The following SLC6A12 variants were observed in gnomAD, a reference collection of about 807,000 sequenced individuals.
SLC6A12 encodes solute carrier family 6 member 12, also known as sodium- and chloride-dependent betaine transporter.
In SLC6A12, 50 loss-of-function variants were observed where a neutral mutation model predicts 73.3. The ratio of observed to expected loss-of-function variants is 0.68; its 90% CI spans 0.54 to 0.86. The LOEUF (loss-of-function observed/expected upper bound fraction) is 0.86. Ranked by LOEUF, SLC6A12 falls within the 40% of genes least tolerant of loss-of-function variation. The pLI, the probability that SLC6A12 is intolerant of heterozygous loss-of-function variation, is 0.00. For synonymous variants in SLC6A12, 304 were observed against 309.2 expected, an observed-to-expected ratio of 0.98 and a Z score of 0.18; for missense variants, 648 against 772.8, an observed-to-expected ratio of 0.84 and a Z score of 1.92.
At chr12:197,173 C>CTAT in intron 10 of SLC6A12, among the ~76,000 whole-genome samples, 1 of 70,152 alleles carries the variant, frequency 1.4e-5, no homozygotes, top group Admixed American at 1.7e-4. Flanking sequence ...ATCCATCCAT[C>CTAT]CATCCATCCA....
At chr12:207,508 GA>G (rs1272986935) in intron 3 of SLC6A12, among the ~76,000 whole-genome samples, 1 of 152,022 alleles carries the variant, frequency 6.6e-6, no homozygotes, top group Non-Finnish European at 1.5e-5. Context: ...TGTTTCTTTT[GA>G]AAGATTTTTC....
intron 11 of SLC6A12, 111 bp downstream of exon 11, chr12:196,659 G>A: frequency 1.3e-6 from 1 of 784,690 alleles, no homozygotes; most frequent in Non-Finnish European, 2.2e-6. Flanking sequence ...AGCAGAGGGG[G>A]CCTCAGGTGT....
Position 197,366 on chromosome 12 carries a change from G to A in SLC6A12, c.1075+11C>T. On this transcript the variant is annotated intron_variant, in intron 10 of 15. Coordinates refer to ENST00000684302, the MANE Select transcript of SLC6A12 (RefSeq NM_001122848.3). ...TTCCCCTCAGGCCCCAGACAGCAAA[G>A]TGGCACCTACCTGACTCGGCCACTT... 1.9e-6 allele frequency: 3 copies of A among 1,611,072 alleles called. No homozygotes were observed. Among genetic ancestry groups the A allele is most frequent in the Non-Finnish European group, 2.5e-6 (3 of 1,178,462 alleles).
Position 190,289 on chromosome 12 carries a change from T to C in SLC6A12, c.*779A>G, listed in dbSNP as rs1027722656. On this transcript the variant is annotated 3_prime_UTR_variant, in exon 16 of 16. Transcript: ENST00000684302. ...TTTGCGTTAGAAGCAGGATGGCAAATGGTGCTGCCTGGAGCACATTCGGAA... is the reference window on the plus strand; with the variant it reads ...TTTGCGTTAGAAGCAGGATGGCAAACGGTGCTGCCTGGAGCACATTCGGAA... 3 of 152,168 alleles carry C rather than the reference T, an allele frequency of 2.0e-5. No homozygotes were observed. Among genetic ancestry groups the C allele is most frequent in the Non-Finnish European group, 2.9e-5 (2 of 68,048 alleles). The allele number at this position is 152,168 out of a possible 1,614,324, so 9.4% of individuals were successfully genotyped here. A position where few individuals can be genotyped will look rare whatever the true frequency, so the allele number is the denominator to read the frequency against.
intron 4 of SLC6A12, chr12:203,559 G>C (rs1021131530): frequency 1.3e-5 from 2 of 152,106 alleles, no homozygotes; most frequent in African/African-American, 4.8e-5. Flanking sequence ...CAGAGGGTCC[G>C]CGGGGAGCGG....
downstream of SLC6A12, among the ~76,000 whole-genome samples, chr12:185,477 T>C (rs570173549): frequency 8.5e-5 from 13 of 152,308 alleles, no homozygotes; most frequent in African/African-American, 2.9e-4. Context: ...GCCTTTTGGA[T>C]GTGACAGCCA....
At chr12:207,403 A>C (rs2137198814) in intron 3 of SLC6A12, among the ~76,000 whole-genome samples, 1 of 152,300 alleles carries the variant, frequency 6.6e-6, no homozygotes, top group South Asian at 2.1e-4. Context: ...AACTTCCTAA[A>C]GTTCTCTTTT....
chr12:195,161 G>T, intron 13 of SLC6A12, 64 bp downstream of exon 13: 1 of 1,045,194 alleles, frequency 9.6e-7, no homozygotes, highest in Non-Finnish European at 1.5e-6. Flanking sequence ...GGCAAAGCCT[G>T]CCCCTGGCTG....
chr12:201,104 G>C (rs528230445), intron 6 of SLC6A12: 1 of 276,068 alleles, frequency 3.6e-6, no homozygotes, highest in South Asian at 6.0e-5. Flanking sequence ...CAAGTGCATG[G>C]GTATCCCGTG....
chr12:196,188 C>T lies in SLC6A12; in HGVS notation c.1262G>A (p.Arg421His), dbSNP rs763247141. The T allele has an allele frequency of 1.6e-5, 25 of 1,584,388 alleles. No individual in the cohort carries two copies. Among genetic ancestry groups the T allele is most frequent in the Admixed American group, 9.3e-5 (5 of 53,804 alleles). ...FPRQLRKSGR[R>H]ELLILTIAVM... is the part of the protein sequence containing the mutation. ...GGCGATGGTGAGGATGAGGAGCTCG[C>T]GCCGCCCGCTCTTCCGGAGCTGCCT... Residue 421 changes from arginine (R) to histidine (H), a missense_variant, in exon 12 of 16, where the codon CGC (arginine) becomes CAC (histidine). By Grantham distance (29) the Arg-to-His change is conservative. Coordinates refer to ENST00000684302, the MANE Select transcript of SLC6A12 (RefSeq NM_001122848.3).
rs1342819856 is a variant in SLC6A12, at chr12:213,103, G to A, written c.-143+819C>T. 6.6e-6 allele frequency among the ~76,000 whole-genome samples: 1 copy of A among 152,166 alleles called. No individual in the cohort carries two copies. The highest frequency in any genetic ancestry group is 1.5e-5 in the Non-Finnish European group (1 of 68,022). On this transcript the variant is annotated intron_variant, in intron 1 of 15. Transcript: ENST00000684302. This position sits in a 1 kb window ranked among gnomAD's most constrained non-coding sequence, Gnocchi z 5.3. ...TGCAGACGAGACCAGAAATGCTGCT[G>A]CCCATGTGCTGCTGGGATCCCAGCT...
At chr12:186,309 G>A (rs1939427514), downstream of SLC6A12, among the ~76,000 whole-genome samples, 2 of 152,212 alleles carry the variant, frequency 1.3e-5, no homozygotes, top group South Asian at 2.1e-4. Context: ...GAGAGGAGCC[G>A]AGGCCTTCCA....
downstream of SLC6A12, among the ~76,000 whole-genome samples, chr12:185,136 C>CA (rs1206610422): frequency 6.6e-6 from 1 of 152,098 alleles, no homozygotes; most frequent in East Asian, 1.9e-4. Context: ...CCTAAAGAAC[C>CA]AAGAGGAAAA....
Position 198,120 on chromosome 12 carries a change from G to A in SLC6A12, c.847-117C>T, listed in dbSNP as rs1038394565. 2.2e-5 allele frequency: 16 copies of A among 738,228 alleles called. No individual in the cohort carries two copies. Among genetic ancestry groups the A allele is most frequent in the Middle Eastern group, 2.4e-4 (1 of 4,138 alleles). The allele number at this position is 738,228 out of a possible 1,614,324, so 45.7% of individuals were successfully genotyped here. A position where few individuals can be genotyped will look rare whatever the true frequency, so the allele number is the denominator to read the frequency against. ...CCTGGCCCCTCAGTGCTCCCTGAGC[G>A]CTTCCCTCCTGCATCCCAACTCTCC... On this transcript the variant is annotated intron_variant, in intron 8 of 15. Transcript: ENST00000684302. The surrounding 1 kb of genome is among the most constrained non-coding windows in gnomAD (Gnocchi z 4.0).
rs1303149521 is a variant in SLC6A12, at chr12:190,614, T to C, written c.*454A>G. On this transcript the variant is annotated 3_prime_UTR_variant, in exon 16 of 16. Coordinates refer to ENST00000684302, the MANE Select transcript of SLC6A12 (RefSeq NM_001122848.3). ...TAACGGAACCTCCGATCCAACACAGTGTGTTCAGTTGTCACTTCCAACAGG... is the reference window on the plus strand; with the variant it reads ...TAACGGAACCTCCGATCCAACACAGCGTGTTCAGTTGTCACTTCCAACAGG... 6.5e-6 allele frequency: 1 copy of C among 152,694 alleles called. No individual in the cohort carries two copies. The highest frequency in any genetic ancestry group is 2.4e-5 in the African/African-American group (1 of 41,424). The allele number at this position is 152,694 out of a possible 1,614,324, so 9.5% of individuals were successfully genotyped here.
Position 197,958 on chromosome 12 carries a change from A to C in SLC6A12, c.892T>G (p.Cys298Gly). Residue 298 changes from cysteine to glycine, a missense_variant, in exon 9 of 16, where the codon TGC (cysteine) becomes GGC (glycine). Transcript: ENST00000684302. ...GTQIFFSFAICQGCLTALGSY... is the reference protein window; with the variant it reads ...GTQIFFSFAIGQGCLTALGSY... The stretch of plus-strand genomic sequence containing the variant: ...CCCAGGGCTGTCAGGCACCCCTGGC[A>C]GATGGCAAAGGAGAAGAAGATCTGG... 6.2e-7 allele frequency: 1 copy of C among 1,611,044 alleles called. No homozygotes were observed. The highest frequency in any genetic ancestry group is 8.5e-7 in the Non-Finnish European group (1 of 1,179,184).
chr12:204,999 T>C (rs1351151498), intron 3 of SLC6A12: 1 of 292,100 alleles, frequency 3.4e-6, no homozygotes, highest in East Asian at 6.2e-5. Flanking sequence ...GCTTTACAAA[T>C]CTAGTCAATA....
chr12:210,061 A>G lies in SLC6A12; in HGVS notation c.-57-18T>C. ...GCCAAAGCCTGGTGGGAAGAGAAGAAATTAGCTGTAAAACCCGACATGCTC... is the reference window on the plus strand; with the variant it reads ...GCCAAAGCCTGGTGGGAAGAGAAGAGATTAGCTGTAAAACCCGACATGCTC... On this transcript the variant is annotated intron_variant, in intron 2 of 15. Coordinates refer to ENST00000684302, the MANE Select transcript of SLC6A12 (RefSeq NM_001122848.3). The G allele has an allele frequency of 6.4e-7, 1 of 1,563,174 alleles. No individual in the cohort carries two copies. Among genetic ancestry groups the G allele is most frequent in the South Asian group, 1.2e-5 (1 of 85,784 alleles).
At chr12:208,873 G>C (rs960422417) in intron 3 of SLC6A12, among the ~76,000 whole-genome samples, 1 of 152,150 alleles carries the variant, frequency 6.6e-6, no homozygotes, top group Admixed American at 6.5e-5. Flanking sequence ...TTTACACCCA[G>C]TGCTGAAAAA....
Sources: allele counts gnomAD v4.1 joint callset (sites outside exome capture counted in the v4.1 genomes callset), GRCh38; gene constraint gnomAD v4.1.1; non-coding constraint Gnocchi (gnomAD v3.1); transcripts MANE v1.5; gene names NCBI Gene and HGNC (gene_info 2026-07-23, HGNC 2026-07-21).